The following WSCD1 variants were observed in gnomAD, a reference collection of about 807,000 sequenced individuals.
WSCD1 encodes WSC domain sialate O sulfotransferase 1.
Under a neutral mutation model 60.4 loss-of-function variants are expected in WSCD1, and 41 were observed. That is an observed-to-expected ratio of 0.68 (90% CI 0.53 to 0.88). The LOEUF (loss-of-function observed/expected upper bound fraction) is 0.88. Among genes scored for constraint, WSCD1 ranks in the 40% least tolerant of loss-of-function variants. WSCD1 has a pLI of 0.00. For missense variants in WSCD1, 784 were observed against 796.2 expected (o/e 0.98, Z 0.18); for synonymous variants, 361 against 332.5 (o/e 1.09, Z -0.93).
chr17:6,088,191 T>G (rs900362110), intron 3 of WSCD1, 87 bp downstream of exon 3: 53 of 1,148,912 alleles, frequency 4.6e-5, no homozygotes, highest in Non-Finnish European at 5.8e-5. Context: ...CAGCTACCAG[T>G]TGGCTGTCAT....
At chr17:6,073,864 G>A (rs1309947073) in intron 1 of WSCD1, among the ~76,000 whole-genome samples, 2 of 152,222 alleles carry the variant, frequency 1.3e-5, no homozygotes, top group African/African-American at 2.4e-5. Flanking sequence ...GTGATGATAT[G>A]CTCTGGAATC....
At chr17:6,095,592 G>C (rs774826983) in intron 5 of WSCD1, among the ~76,000 whole-genome samples, 1 of 152,246 alleles carries the variant, frequency 6.6e-6, no homozygotes, top group Non-Finnish European at 1.5e-5. Flanking sequence ...TATTGGTGCT[G>C]ACGGTGTTGG....
intron 1 of WSCD1, among the ~76,000 whole-genome samples, chr17:6,076,143 G>A (rs1334201419): frequency 1.3e-5 from 2 of 152,120 alleles, no homozygotes; most frequent in African/African-American, 4.8e-5. Flanking sequence ...GGAGCAGGTG[G>A]CCTGGTCTGA....
Position 6,075,026 on chromosome 17 carries a change from G to T in WSCD1, c.-289+4374G>T, listed in dbSNP as rs539701487. ...GAGGCTCCTGCATGTACTCTGCCCG[G>T]GTCCTGAAGCTGAGACCCCCTGGCT... On this transcript the variant is annotated intron_variant, in intron 1 of 8. Coordinates refer to ENST00000317744, the MANE Select transcript of WSCD1 (RefSeq NM_015253.2). This position sits in a 1 kb window ranked among gnomAD's most constrained non-coding sequence, Gnocchi z 4.1. Among the ~76,000 whole-genome samples, 2 of 152,222 alleles carry T rather than the reference G, an allele frequency of 1.3e-5. No homozygotes were observed. Among genetic ancestry groups the T allele is most frequent in the South Asian group, 4.1e-4 (2 of 4,820 alleles).
Position 6,120,472 on chromosome 17 carries a change from C to G in WSCD1, c.1539C>G (p.Ser513Arg), listed in dbSNP as rs16955477. The G allele has an allele frequency of 4.3e-6, 7 of 1,613,900 alleles. No individual in the cohort carries two copies. Among genetic ancestry groups the G allele is most frequent in the Non-Finnish European group, 5.9e-6 (7 of 1,180,022 alleles). Residue 513 changes from serine to arginine, a missense_variant, in exon 9 of 9, where the codon AGC becomes AGG. By Grantham distance (110) the Ser-to-Arg change is moderately radical (BLOSUM62 -1). Transcript: ENST00000317744. The stretch of plus-strand genomic sequence containing the variant: ...TGGCCTTCCTCAACGTGTCTGTGAG[C>G]GAGGAGCGGCTGCTCTGCGTGGAGA... Reference protein sequence around the residue: ...EMVAFLNVSVSEERLLCVENN... With the variant: ...EMVAFLNVSVREERLLCVENN...
At position 6,080,629 on chromosome 17, in the gene WSCD1, C is replaced by T. The variant is rs1909169274; in HGVS notation, c.-30C>T. On this transcript the variant is annotated 5_prime_UTR_variant, in exon 2 of 9. Transcript: ENST00000317744. The surrounding 1 kb of genome is among the most constrained non-coding windows in gnomAD (Gnocchi z 6.6). ...CTGGGCGCTAGGAGCCATCCCGGGG[C>T]TCCAGCCAGGAGCCCTGCTGCCCAG... 2 of 1,609,310 alleles carry T rather than the reference C, an allele frequency of 1.2e-6. No individual in the cohort carries two copies. The highest frequency in any genetic ancestry group is 1.3e-5 in the African/African-American group (1 of 74,592).
chr17:6,104,044 G>A lies in WSCD1; in HGVS notation c.850-5563G>A, dbSNP rs562343610. The stretch of plus-strand genomic sequence containing the variant: ...TGGTTCTGCAAGTTGCATAAGTATG[G>A]CCCTAGCATCTGCTTCCGGTGAGGC... On this transcript the variant is annotated intron_variant, in intron 5 of 8. Coordinates refer to ENST00000317744, the MANE Select transcript of WSCD1 (RefSeq NM_015253.2). 5.3e-5 allele frequency among the ~76,000 whole-genome samples: 8 copies of A among 152,282 alleles called. No individual in the cohort carries two copies. The South Asian group carries it at 8.3e-4, about 16-fold the overall frequency.
intron 5 of WSCD1, among the ~76,000 whole-genome samples, chr17:6,099,783 G>A (rs1039905619): frequency 6.6e-6 from 1 of 152,128 alleles, no homozygotes; most frequent in Non-Finnish European, 1.5e-5. Context: ...CCCAATATAA[G>A]CAGCCACTTT....
Position 6,110,642 on chromosome 17 carries a change from C to T in WSCD1, c.1010-129C>T. Reference sequence around the variant, plus strand: ...GTATATTTGGAAGATCTCTTCCCTTCTTTGGGCCTTGGTTCCCCCATCTAT... The same window carrying T: ...GTATATTTGGAAGATCTCTTCCCTTTTTTGGGCCTTGGTTCCCCCATCTAT... On this transcript the variant is annotated intron_variant, in intron 6 of 8. Coordinates refer to ENST00000317744, the MANE Select transcript of WSCD1 (RefSeq NM_015253.2). This position sits in a 1 kb window ranked among gnomAD's most constrained non-coding sequence, Gnocchi z 4.8. 2 of 1,259,196 alleles carry T rather than the reference C, an allele frequency of 1.6e-6. No homozygotes were observed. The highest frequency in any genetic ancestry group is 2.2e-6 in the Non-Finnish European group (2 of 903,884). 78.0% of individuals were successfully genotyped at this position (1,259,196 alleles called of 1,614,324 possible).
At chr17:6,095,303 G>C (rs1910350443) in intron 5 of WSCD1, 80 bp downstream of exon 5, 1 of 1,482,334 alleles carries the variant, frequency 6.7e-7, no homozygotes, top group Admixed American at 2.3e-5. Context: ...CATGTGCTGG[G>C]CTGCGGGTGT....
In WSCD1 at chr17:6,120,429, C is replaced by T. The variant is rs771569288; in HGVS notation, c.1496C>T (p.Pro499Leu). The T allele has an allele frequency of 2.0e-5, 33 of 1,613,940 alleles. No individual in the cohort carries two copies. The highest frequency in any genetic ancestry group is 2.4e-5 in the Non-Finnish European group (28 of 1,180,030). ...GAGGAGCTGCGGCGCAGCCTGGTGC[C>T]CACGTTACGGGAGATGGTGGCCTTC... ...HYEELRRSLV[P>L]TLREMVAFLN... Residue 499 changes from proline to leucine, a missense_variant, in exon 9 of 9, where the codon CCC becomes CTC. Transcript: ENST00000317744.
At chr17:6,093,442 G>A (rs1267252379) in intron 4 of WSCD1, among the ~76,000 whole-genome samples, 1 of 152,300 alleles carries the variant, frequency 6.6e-6, no homozygotes, top group East Asian at 1.9e-4. Context: ...GCCCCCTTTT[G>A]TCCCTCCCTG....
At chr17:6,100,874 C>T (rs917675679) in intron 5 of WSCD1, among the ~76,000 whole-genome samples, 14 of 152,166 alleles carry the variant, frequency 9.2e-5, no homozygotes, top group Non-Finnish European at 1.5e-4. Flanking sequence ...CCCATATCCC[C>T]GTGGGGCTGA....
intron 5 of WSCD1, among the ~76,000 whole-genome samples, chr17:6,099,758 C>T (rs1050127283): frequency 9.9e-5 from 15 of 152,004 alleles, no homozygotes; most frequent in Admixed American, 7.2e-4. Context: ...ACGCAGACAC[C>T]GCTTCCTCCA....
Position 6,075,136 on chromosome 17 carries a change from C to T in WSCD1, c.-289+4484C>T, listed in dbSNP as rs1043732748. Among the ~76,000 whole-genome samples, 2 of 152,214 alleles carry T rather than the reference C, an allele frequency of 1.3e-5. No homozygotes were observed. The highest frequency in any genetic ancestry group is 4.8e-5 in the African/African-American group (2 of 41,452). On this transcript the variant is annotated intron_variant, in intron 1 of 8. Transcript: ENST00000317744. This position sits in a 1 kb window ranked among gnomAD's most constrained non-coding sequence, Gnocchi z 4.1. Reference sequence around the variant, plus strand: ...AGAGAGCAACGTTCTGGGCCCTATTCTTGTCGCTGGGGCTCCTGCCCTGCA... The same window carrying T: ...AGAGAGCAACGTTCTGGGCCCTATTTTTGTCGCTGGGGCTCCTGCCCTGCA...
rs1567563894 is a variant in WSCD1 at position 6,120,588 on chromosome 17, A to G, written c.1655A>G (p.Tyr552Cys). 2 of 1,613,650 alleles carry G rather than the reference A, an allele frequency of 1.2e-6. No individual in the cohort carries two copies. The highest frequency in any genetic ancestry group is 2.2e-5 in the East Asian group (1 of 44,862). The change falls in exon 9 of 9, where the codon TAC becomes TGC. Residue 552 changes from tyrosine to cysteine, a missense_variant. Transcript: ENST00000317744. ...TPEMKDLING[Y>C]IRTVDQALRD... ...GAGATGAAAGACTTGATCAATGGCT[A>G]CATCCGGACGGTGGACCAAGCCCTG...
In WSCD1 at chr17:6,080,871, C is replaced by T. The variant is rs1909202949; in HGVS notation, c.213C>T (p.Ala71=). ...ALGVGLLDSR[A]LHDPRVSPEL... ...GCGTGGGCTTGCTGGACAGCAGAGC[C>T]CTGCACGACCCTCGAGTCAGCCCAG... Residue 71 remains alanine, a synonymous_variant, in exon 2 of 9, where the codon GCC becomes GCT. Transcript: ENST00000317744. The surrounding 1 kb of genome is among the most constrained non-coding windows in gnomAD (Gnocchi z 6.6). 1 of 1,604,362 alleles carries T rather than the reference C, an allele frequency of 6.2e-7. No individual in the cohort carries two copies. Among genetic ancestry groups the T allele is most frequent in the East Asian group, 2.2e-5 (1 of 44,690 alleles).
intron 4 of WSCD1, among the ~76,000 whole-genome samples, chr17:6,091,790 G>C (rs553865335): frequency 8.6e-4 from 131 of 152,284 alleles, no homozygotes; most frequent in Middle Eastern, 3.4e-3. Context: ...CACCGCCTCT[G>C]GTCATGCCCT....
Position 6,120,727 on chromosome 17 carries a change from C to A in WSCD1, c.*66C>A, listed in dbSNP as rs879218173. The A allele has an allele frequency of 3.5e-5, 53 of 1,509,528 alleles. No individual in the cohort carries two copies. In the African/African-American group the frequency reaches 7.0e-4, roughly 20 times the overall value. The allele number at this position is 1,509,528 out of a possible 1,614,324, so 93.5% of individuals were successfully genotyped here. ...TCGCACCACGGGGCTGCGCTCCCCA[C>A]TCTGATGCTCAGGCCCGTGGCCTCA... On this transcript the variant is annotated 3_prime_UTR_variant, in exon 9 of 9. Coordinates refer to ENST00000317744, the MANE Select transcript of WSCD1 (RefSeq NM_015253.2).
Sources: gnomAD v4.1 joint callset for allele counts (sites outside exome capture counted in the v4.1 genomes callset) on GRCh38, gnomAD v4.1.1 for gene constraint, Gnocchi (gnomAD v3.1) non-coding constraint, MANE v1.5 for transcripts, NCBI Gene and HGNC (gene_info 2026-07-23, HGNC 2026-07-21) for gene names.